Variants in NLGN1 observed in about 807,000 individuals in gnomAD.
The protein encoded by NLGN1 is neuroligin-1.
Under a neutral mutation model 65.5 loss-of-function variants are expected in NLGN1, and 12 were observed. The observed-to-expected ratio is 0.18, with a 90% CI of 0.12 to 0.30. The LOEUF (loss-of-function observed/expected upper bound fraction) is 0.30. Among genes scored for constraint, NLGN1 ranks in the 10% least tolerant of loss-of-function variants. The pLI is 1.00. For synonymous variants in NLGN1, 350 were observed against 359.5 expected (o/e 0.97, Z 0.30); for missense variants, 750 against 1,007.1 (o/e 0.74, Z 3.46).
chr3:173,718,325 C>T (rs998252718), intron 3 of NLGN1, among the ~76,000 whole-genome samples: 1 of 152,066 alleles, frequency 6.6e-6, no homozygotes, highest in Admixed American at 6.6e-5. Flanking sequence ...TTCTGGTAAC[C>T]ATCATTCTAC....
chr3:174,063,296 GATAA>G (rs1023815485), intron 4 of NLGN1, among the ~76,000 whole-genome samples: 7 of 152,150 alleles, frequency 4.6e-5, no homozygotes, highest in Non-Finnish European at 8.8e-5. Context: ...TACATTTTTA[GATAA>G]ATAACAACTG....
chr3:173,754,840 A>AT (rs56718126), intron 3 of NLGN1, among the ~76,000 whole-genome samples: 33,210 of 151,850 alleles, frequency 0.22, 3,881 homozygotes, highest in African/African-American at 0.31. Context: ...GAAAGTCACT[A>AT]TTTTTTTACC....
At chr3:174,197,989 T>C (rs1304929235) in intron 4 of NLGN1, among the ~76,000 whole-genome samples, 1 of 152,144 alleles carries the variant, frequency 6.6e-6, no homozygotes, top group African/African-American at 2.4e-5. Context: ...CATATATCTA[T>C]ATACTCTATA....
intron 2 of NLGN1, among the ~76,000 whole-genome samples, chr3:173,512,476 C>T: frequency 6.6e-6 from 1 of 152,190 alleles, no homozygotes; most frequent in Non-Finnish European, 1.5e-5. Context: ...CAAGCTGCCT[C>T]TCTCTGACAT....
intron 2 of NLGN1, among the ~76,000 whole-genome samples, chr3:173,482,350 A>G (rs778041159): frequency 6.6e-6 from 1 of 151,966 alleles, no homozygotes; most frequent in South Asian, 2.1e-4. Flanking sequence ...CTAGTTTACC[A>G]TGTGATATAA....
intron 4 of NLGN1, among the ~76,000 whole-genome samples, chr3:174,270,100 T>A (rs78173282): frequency 0.028 from 4,178 of 148,482 alleles, 147 homozygotes; most frequent in Middle Eastern, 0.083. Flanking sequence ...TGCAATTGTT[T>A]TCTCCCATTC....
intron 4 of NLGN1, chr3:173,920,742 T>C (rs1741829781): frequency 6.6e-6 from 1 of 152,150 alleles, no homozygotes. Context: ...AATAGAAGAC[T>C]TAAGTGCTCC....
intron 3 of NLGN1, among the ~76,000 whole-genome samples, chr3:173,668,012 TG>T (rs1294471537): frequency 6.6e-6 from 1 of 152,224 alleles, no homozygotes; most frequent in Non-Finnish European, 1.5e-5. Context: ...CATTCATGCG[TG>T]TAATTCACAA....
chr3:173,980,397 A>C (rs191813801), intron 4 of NLGN1, among the ~76,000 whole-genome samples: 17 of 152,060 alleles, frequency 1.1e-4, no homozygotes, highest in South Asian at 2.1e-4. Flanking sequence ...CCATGTTGCT[A>C]TATAGTCTTT....
chr3:173,667,701 C>T lies in NLGN1; in HGVS notation c.493+62610C>T, dbSNP rs182415440. The stretch of plus-strand genomic sequence containing the variant: ...CCGGAGTACAGTGGCTTGATCTTGG[C>T]TCACTGCAACCTCCGCCTCCTGGGT... On this transcript the variant is annotated intron_variant, in intron 3 of 6. Coordinates refer to ENST00000457714, the Ensembl canonical transcript of NLGN1. Among the ~76,000 whole-genome samples, 572 of 152,252 alleles carry T rather than the reference C, an allele frequency of 3.8e-3. 3 individuals are homozygous for T. The highest frequency in any genetic ancestry group is 0.017 in the Middle Eastern group (5 of 294).
rs192750455 is a variant in NLGN1, at chr3:174,202,136, T to A, written c.647-73179T>A. On this transcript the variant is annotated intron_variant, in intron 4 of 6. Coordinates refer to ENST00000457714, the Ensembl canonical transcript of NLGN1. Reference sequence around the variant, plus strand: ...CTACCTTTCATCTTATCCCTCTCCGTTGAAATGTGTTTTCTGTGCACAGTA... The same window carrying A: ...CTACCTTTCATCTTATCCCTCTCCGATGAAATGTGTTTTCTGTGCACAGTA... Among the ~76,000 whole-genome samples, 17 of 152,278 alleles carry A rather than the reference T, an allele frequency of 1.1e-4. No individual in the cohort carries two copies. The East Asian group carries it at 3.1e-3, about 28-fold the overall frequency.
intron 4 of NLGN1, among the ~76,000 whole-genome samples, chr3:174,092,833 A>G (rs9820229): frequency 0.05 from 7,594 of 152,184 alleles, 261 homozygotes; most frequent in South Asian, 0.094. Flanking sequence ...ACAATTGCCA[A>G]TTCAAATGTG....
chr3:173,513,602 A>G (rs1577052742), intron 2 of NLGN1, among the ~76,000 whole-genome samples: 1 of 152,262 alleles, frequency 6.6e-6, no homozygotes, highest in East Asian at 1.9e-4. Context: ...CAGAATGGCA[A>G]CTTCTAAGCT....
At chr3:173,556,953 A>C (rs934585403) in intron 2 of NLGN1, among the ~76,000 whole-genome samples, 1 of 152,106 alleles carries the variant, frequency 6.6e-6, no homozygotes, top group Non-Finnish European at 1.5e-5. Context: ...TGCAGTTATA[A>C]TTTTTTGTGA....
chr3:173,699,623 C>T (rs576125491), intron 3 of NLGN1, among the ~76,000 whole-genome samples: 1 of 152,278 alleles, frequency 6.6e-6, no homozygotes, highest in African/African-American at 2.4e-5. Flanking sequence ...GATCCAAATC[C>T]CTCTCTCCAG....
intron 3 of NLGN1, among the ~76,000 whole-genome samples, chr3:173,642,809 T>C (rs1294796741): frequency 2.0e-5 from 3 of 152,154 alleles, no homozygotes; most frequent in Admixed American, 2.0e-4. Context: ...TGGTATCCAA[T>C]CAAAGGTTGC....
At chr3:173,478,891 C>T (rs1180002198) in intron 2 of NLGN1, among the ~76,000 whole-genome samples, 3 of 146,762 alleles carry the variant, frequency 2.0e-5, no homozygotes, top group East Asian at 2.0e-4. Context: ...GACCGTGTCT[C>T]GATTAAAAAA....
chr3:173,875,998 CA>C (rs375094075), intron 4 of NLGN1, among the ~76,000 whole-genome samples: 2,544 of 150,168 alleles, frequency 0.017, 71 homozygotes, highest in African/African-American at 0.058. Flanking sequence ...AAAAGCCTCT[CA>C]AAAAAAAATC....
intron 3 of NLGN1, among the ~76,000 whole-genome samples, chr3:173,721,633 C>G (rs781689778): frequency 6.6e-6 from 1 of 152,042 alleles, no homozygotes; most frequent in Admixed American, 6.6e-5. Context: ...TTTTCAAAGA[C>G]AAAATACACT....
Sources: allele counts gnomAD v4.1 joint callset (sites outside exome capture counted in the v4.1 genomes callset), GRCh38; gene constraint gnomAD v4.1.1; transcripts MANE v1.5; gene names NCBI Gene and HGNC (gene_info 2026-07-23, HGNC 2026-07-21).